The following NSG2 variants were observed in gnomAD, a reference collection of about 807,000 sequenced individuals.
NSG2 encodes the protein neuronal vesicle trafficking-associated protein 2.
In NSG2, 4 loss-of-function variants were observed where a neutral mutation model predicts 16.9. The observed-to-expected ratio is 0.24, with a 90% CI of 0.12 to 0.54. The LOEUF is 0.54. NSG2 is among the 20% of genes least tolerant of loss of function. The pLI is 0.95. For missense variants in NSG2, 179 were observed against 221.1 expected, an observed-to-expected ratio of 0.81 and a Z score of 1.21; for synonymous variants, 98 against 88.7, an observed-to-expected ratio of 1.11 and a Z score of -0.59.
At chr5:174,067,084 T>C (rs1001955610) in intron 3 of NSG2, among the ~76,000 whole-genome samples, 1 of 144,898 alleles carries the variant, frequency 6.9e-6, no homozygotes, top group Non-Finnish European at 1.5e-5. Context: ...GTGAGTAAAA[T>C]AGAGATTAAG....
intron 4 of NSG2, among the ~76,000 whole-genome samples, chr5:174,106,433 A>G (rs1465559060): frequency 6.6e-6 from 1 of 152,108 alleles, no homozygotes; most frequent in Non-Finnish European, 1.5e-5. Context: ...CTAGGGACAC[A>G]TGGAGTTGCA....
intron 3 of NSG2, among the ~76,000 whole-genome samples, chr5:174,073,989 C>A (rs1760289514): frequency 6.6e-6 from 1 of 152,120 alleles, no homozygotes; most frequent in African/African-American, 2.4e-5. Flanking sequence ...TCCAAGTTTG[C>A]AAGCCAGTTG....
At chr5:174,068,110 C>G (rs79881452) in intron 3 of NSG2, among the ~76,000 whole-genome samples, 9 of 152,110 alleles carry the variant, frequency 5.9e-5, no homozygotes, top group African/African-American at 2.2e-4. Flanking sequence ...ATATATTGCC[C>G]GGGGCTGAGG....
At chr5:174,103,004 G>C (rs889454629) in intron 3 of NSG2, among the ~76,000 whole-genome samples, 5 of 147,654 alleles carry the variant, frequency 3.4e-5, no homozygotes, top group African/African-American at 1.0e-4. Flanking sequence ...GGGCAGGCTG[G>C]TCACGAACTC....
At chr5:174,088,534 T>G (rs1760669489) in intron 3 of NSG2, among the ~76,000 whole-genome samples, 1 of 152,214 alleles carries the variant, frequency 6.6e-6, no homozygotes, top group Non-Finnish European at 1.5e-5. Context: ...GGAGAATGAA[T>G]TCATTCGTAT....
chr5:174,064,926 C>G (rs896413307), intron 3 of NSG2, among the ~76,000 whole-genome samples: 1 of 152,194 alleles, frequency 6.6e-6, no homozygotes, highest in Non-Finnish European at 1.5e-5. Flanking sequence ...GAAGCAGGTA[C>G]AAGGTGCTTG....
intron 3 of NSG2, among the ~76,000 whole-genome samples, chr5:174,091,472 A>G (rs947755539): frequency 6.6e-6 from 1 of 151,764 alleles, no homozygotes; most frequent in Non-Finnish European, 1.5e-5. Flanking sequence ...AGCACATGTG[A>G]TGTGTGGCTG....
At chr5:174,076,382 G>A (rs929776864) in intron 3 of NSG2, among the ~76,000 whole-genome samples, 1 of 151,958 alleles carries the variant, frequency 6.6e-6, no homozygotes, top group African/African-American at 2.4e-5. Context: ...TGAAAACCAG[G>A]CTACTGAACA....
chr5:174,067,363 CCTGCAGTAGGTAA>C lies in NSG2; in HGVS notation c.213+3053_213+3065del, dbSNP rs1462335896. On this transcript the variant is annotated intron_variant, in intron 3 of 4. Coordinates refer to ENST00000303177, the MANE Select transcript of NSG2 (RefSeq NM_015980.5). ...GCGGCCTCTCTGCTCAGCCATGATG[CCTGCAGTAGGTAA>C]CTGCTGGGTAGAACAGAAATGAGTC... 2.6e-5 allele frequency among the ~76,000 whole-genome samples: 4 copies of C among 152,298 alleles called. No homozygotes were observed. In the East Asian group the frequency reaches 7.7e-4, roughly 29 times the overall value.
chr5:174,068,320 C>T (rs1311252547), intron 3 of NSG2, among the ~76,000 whole-genome samples: 1 of 152,156 alleles, frequency 6.6e-6, no homozygotes, highest in Non-Finnish European at 1.5e-5. Flanking sequence ...GAATTTTTGT[C>T]ATTTCTGAAA....
chr5:174,050,928 A>G (rs1398496529), intron 2 of NSG2, among the ~76,000 whole-genome samples: 1 of 151,900 alleles, frequency 6.6e-6, no homozygotes, highest in Non-Finnish European at 1.5e-5. Flanking sequence ...TCCTTCTCCC[A>G]TGGAAACCTT....
chr5:174,078,093 C>T lies in NSG2; in HGVS notation c.213+13778C>T, dbSNP rs150377236. The stretch of plus-strand genomic sequence containing the variant: ...TAAAGTTTAATTTCTATCACACTAG[C>T]CACATTTCAAGTACTTAGTAGCCAT... On this transcript the variant is annotated intron_variant, in intron 3 of 4. Coordinates refer to ENST00000303177, the MANE Select transcript of NSG2 (RefSeq NM_015980.5). Among the ~76,000 whole-genome samples the T allele has an allele frequency of 2.7e-3, 413 of 152,310 alleles. 2 individuals are homozygous for T. Among genetic ancestry groups the T allele is most frequent in the African/African-American group, 9.3e-3 (388 of 41,564 alleles).
At chr5:174,093,375 C>G (rs2113468253) in intron 3 of NSG2, among the ~76,000 whole-genome samples, 1 of 152,330 alleles carries the variant, frequency 6.6e-6, no homozygotes, top group East Asian at 1.9e-4. Context: ...TGTGAAGCAG[C>G]CATCAGTGTC....
At chr5:174,067,057 TAAAGAG>T in intron 3 of NSG2, among the ~76,000 whole-genome samples, 1 of 149,916 alleles carries the variant, frequency 6.7e-6, no homozygotes, top group African/African-American at 2.5e-5. Context: ...GGCAAATACT[TAAAGAG>T]AGAATGTTGA....
chr5:174,066,166 G>A (rs988870246), intron 3 of NSG2: 13 of 456,092 alleles, frequency 2.9e-5, no homozygotes, highest in Non-Finnish European at 5.3e-5. Context: ...TCCTCTTGGA[G>A]AGCAGTGGCT....
intron 2 of NSG2, among the ~76,000 whole-genome samples, chr5:174,061,247 A>G (rs1760045834): frequency 6.6e-6 from 1 of 152,240 alleles, no homozygotes; most frequent in South Asian, 2.1e-4. Context: ...ATAATCAGAC[A>G]TCTAAATTTT....
intron 3 of NSG2, among the ~76,000 whole-genome samples, chr5:174,099,561 C>A (rs1167296001): frequency 6.6e-6 from 1 of 152,130 alleles, no homozygotes; most frequent in East Asian, 1.9e-4. Context: ...CTGTCACTGG[C>A]TCCCTGTTGT....
chr5:174,094,935 C>A (rs910912210), intron 3 of NSG2, among the ~76,000 whole-genome samples: 3 of 152,180 alleles, frequency 2.0e-5, no homozygotes, highest in Admixed American at 2.0e-4. Flanking sequence ...TGGTCCCTGT[C>A]CACATGACAC....
At chr5:174,047,867 G>T (rs1759826431) in intron 2 of NSG2, among the ~76,000 whole-genome samples, 1 of 152,246 alleles carries the variant, frequency 6.6e-6, no homozygotes, top group Admixed American at 6.5e-5. Context: ...GGAGGCCAAT[G>T]ATGGAGTTCC....
Sources: allele counts gnomAD v4.1 joint callset (sites outside exome capture counted in the v4.1 genomes callset), GRCh38; gene constraint gnomAD v4.1.1; transcripts MANE v1.5; gene names NCBI Gene and HGNC (gene_info 2026-07-23, HGNC 2026-07-21).